ANTXR1: variants seen among roughly 807,000 people sequenced by gnomAD.
The protein encoded by ANTXR1 is anthrax toxin receptor 1.
A neutral mutation model predicts 78.1 loss-of-function variants in ANTXR1; 19 were observed. The ratio of observed to expected loss-of-function variants is 0.24; its 90% confidence interval spans 0.17 to 0.36. The LOEUF is 0.36. Ranked by LOEUF, ANTXR1 falls within the 10% of genes least tolerant of loss-of-function variation. The pLI, the probability that ANTXR1 is intolerant of heterozygous loss-of-function variation, is 1.00. For synonymous variants in ANTXR1, 273 were observed against 260.5 expected (o/e 1.05, Z -0.46); for missense variants, 518 against 718.6 (o/e 0.72, Z 3.19).
At chr2:69,178,564 G>C (rs766431872) in intron 14 of ANTXR1, among the ~76,000 whole-genome samples, 1 of 138,314 alleles carries the variant, frequency 7.2e-6, no homozygotes, top group Non-Finnish European at 1.5e-5. Context: ...GCAAGAGGGA[G>C]GGGCCAGGGG....
chr2:69,118,153 G>C (rs1186935979), intron 10 of ANTXR1, among the ~76,000 whole-genome samples: 1 of 151,334 alleles, frequency 6.6e-6, no homozygotes, highest in African/African-American at 2.4e-5. Flanking sequence ...GCTCACACCT[G>C]TAATCCCAGC....
At chr2:69,116,134 G>A (rs1188958574) in intron 10 of ANTXR1, among the ~76,000 whole-genome samples, 1 of 152,140 alleles carries the variant, frequency 6.6e-6, no homozygotes, top group Non-Finnish European at 1.5e-5. Context: ...TCTATCAAAA[G>A]CTTGTTATCT....
chr2:69,200,761 T>C (rs1022329272), intron 17 of ANTXR1, among the ~76,000 whole-genome samples: 2 of 152,250 alleles, frequency 1.3e-5, no homozygotes, highest in African/African-American at 4.8e-5. Flanking sequence ...TATGTATGTA[T>C]GTATGTATGG....
chr2:69,049,499 G>A (rs1011537022), intron 3 of ANTXR1, among the ~76,000 whole-genome samples: 5 of 151,824 alleles, frequency 3.3e-5, no homozygotes, highest in East Asian at 1.9e-4. Context: ...TAGTAGAGAC[G>A]GGGTTTCACC....
At chr2:69,244,377 C>T (rs995115703) in intron 17 of ANTXR1, among the ~76,000 whole-genome samples, 2 of 152,208 alleles carry the variant, frequency 1.3e-5, no homozygotes, top group Admixed American at 6.5e-5. Flanking sequence ...GTTCCTGTGA[C>T]AACAACTAAG....
intron 17 of ANTXR1, among the ~76,000 whole-genome samples, chr2:69,201,992 T>C (rs1674783836): frequency 6.6e-6 from 1 of 152,146 alleles, no homozygotes; most frequent in African/African-American, 2.4e-5. Flanking sequence ...TTTTGTGCCC[T>C]AGACACCTCG....
At chr2:69,188,378 T>C (rs1674472928) in intron 16 of ANTXR1, among the ~76,000 whole-genome samples, 1 of 152,224 alleles carries the variant, frequency 6.6e-6, no homozygotes, top group Admixed American at 6.5e-5. Flanking sequence ...TATAGGCATG[T>C]GCCACCGTGC....
At chr2:69,100,093 A>G (rs1285066948) in intron 9 of ANTXR1, among the ~76,000 whole-genome samples, 1 of 152,248 alleles carries the variant, frequency 6.6e-6, no homozygotes. Flanking sequence ...GTAAGCCAAC[A>G]TACAAGTTGC....
At chr2:69,185,930 T>C (rs539781700) in intron 16 of ANTXR1, among the ~76,000 whole-genome samples, 3 of 152,256 alleles carry the variant, frequency 2.0e-5, no homozygotes, top group Admixed American at 2.0e-4. Flanking sequence ...CCAATGCCAA[T>C]GCTTACTCAG....
chr2:69,212,680 C>T (rs143997102), intron 17 of ANTXR1, among the ~76,000 whole-genome samples: 129 of 152,300 alleles, frequency 8.5e-4, no homozygotes, highest in African/African-American at 2.9e-3. Flanking sequence ...GAGACAAGGT[C>T]TTGCTCCATC....
chr2:69,227,428 C>G (rs1675484100), intron 17 of ANTXR1, among the ~76,000 whole-genome samples: 1 of 152,068 alleles, frequency 6.6e-6, no homozygotes, highest in Non-Finnish European at 1.5e-5. Context: ...CAGAAGATCA[C>G]CACAAGAGCC....
chr2:69,191,434 A>G (rs1018061782), intron 16 of ANTXR1, among the ~76,000 whole-genome samples: 3 of 152,220 alleles, frequency 2.0e-5, no homozygotes, highest in Middle Eastern at 3.4e-3. Flanking sequence ...AACTCTTTAG[A>G]CTCCTCCAGC....
At chr2:69,145,614 A>T in intron 12 of ANTXR1, 1 of 1,330,028 alleles carries the variant, frequency 7.5e-7, no homozygotes, top group Non-Finnish European at 9.6e-7. Flanking sequence ...TGGCTACATA[A>T]TCACTCCATG....
intron 17 of ANTXR1, among the ~76,000 whole-genome samples, chr2:69,228,263 T>C (rs903004631): frequency 4.6e-5 from 7 of 151,974 alleles, no homozygotes; most frequent in African/African-American, 1.7e-4. Context: ...GGCACTGAAA[T>C]CCTAAAGAAG....
Position 69,022,827 on chromosome 2 carries a change from A to C in ANTXR1, c.152+9176A>C, listed in dbSNP as rs1294992250. Reference sequence around the variant, plus strand: ...CACCTTGGAGCTGGGCTATAGGCAGAGCTCTTATTTTAGATGGTGGCAGAA... The same window carrying C: ...CACCTTGGAGCTGGGCTATAGGCAGCGCTCTTATTTTAGATGGTGGCAGAA... On this transcript the variant is annotated intron_variant, in intron 1 of 17. Transcript: ENST00000303714. Among the ~76,000 whole-genome samples the C allele has an allele frequency of 2.0e-5, 3 of 152,208 alleles. 1 individual carries two copies. Among genetic ancestry groups the C allele is most frequent in the Non-Finnish European group, 4.4e-5 (3 of 68,020 alleles).
At chr2:69,182,429 C>T in intron 15 of ANTXR1, 64 bp from the exon 16 acceptor site, 1 of 1,580,174 alleles carries the variant, frequency 6.3e-7, no homozygotes. Flanking sequence ...ATGTATTTGT[C>T]ATTCTCATTC....
rs150742251 is a variant in ANTXR1, at chr2:69,036,208, A to G, written c.153-3836A>G. Among the ~76,000 whole-genome samples, 635 of 152,220 alleles carry G rather than the reference A, an allele frequency of 4.2e-3. 2 individuals are homozygous for G. The highest frequency in any genetic ancestry group is 0.015 in the African/African-American group (604 of 41,538). ...ACACATTGCTTCTCCTCCTAGTATAATTTCCTGATTTTATTCTTTTATTTC... is the reference window on the plus strand; with the variant it reads ...ACACATTGCTTCTCCTCCTAGTATAGTTTCCTGATTTTATTCTTTTATTTC... On this transcript the variant is annotated intron_variant, in intron 1 of 17. Transcript: ENST00000303714.
chr2:69,224,124 G>A (rs1438658432), intron 17 of ANTXR1, among the ~76,000 whole-genome samples: 2 of 152,218 alleles, frequency 1.3e-5, no homozygotes, highest in African/African-American at 4.8e-5. Flanking sequence ...ACAGATTCCA[G>A]TTTATCTTTG....
intron 1 of ANTXR1, among the ~76,000 whole-genome samples, chr2:69,017,742 G>A (rs969734656): frequency 6.6e-5 from 10 of 152,110 alleles, no homozygotes; most frequent in African/African-American, 2.4e-4. Flanking sequence ...ATAGATTGCT[G>A]GGAATTCAGT....
Sources: allele counts gnomAD v4.1 joint callset (sites outside exome capture counted in the v4.1 genomes callset), GRCh38; gene constraint gnomAD v4.1.1; transcripts MANE v1.5; gene names NCBI Gene and HGNC (gene_info 2026-07-23, HGNC 2026-07-21).